The following TECPR1 variants were observed in gnomAD, a reference collection of about 807,000 sequenced individuals.
The protein encoded by TECPR1 is tectonin beta-propeller repeat-containing protein 1.
In TECPR1, 122 loss-of-function variants were observed where a neutral mutation model predicts 162.4. The observed-to-expected ratio is 0.75, with a 90% CI of 0.65 to 0.87. The LOEUF (loss-of-function observed/expected upper bound fraction) is 0.87, where lower values mean the gene tolerates loss of function less well. TECPR1 is among the 40% of genes least tolerant of loss of function. TECPR1 has a pLI of 0.00. For missense variants in TECPR1, 1,432 were observed against 1,618.2 expected, an observed-to-expected ratio of 0.88 and a Z score of 1.97; for synonymous variants, 642 against 670.6, an observed-to-expected ratio of 0.96 and a Z score of 0.66.
intron 19 of TECPR1, among the ~76,000 whole-genome samples, chr7:98,224,269 G>A (rs1301385104): frequency 6.6e-6 from 1 of 152,130 alleles, no homozygotes; most frequent in African/African-American, 2.4e-5. Context: ...GTGCCGTGAA[G>A]GGCCTGCCCA....
chr7:98,235,167 A>C (rs1178363856), intron 10 of TECPR1, among the ~76,000 whole-genome samples: 1 of 152,210 alleles, frequency 6.6e-6, no homozygotes, highest in Non-Finnish European at 1.5e-5. Flanking sequence ...TCAAAGTTAT[A>C]AAGATTTGGC....
At chr7:98,248,906 T>G (rs1798986302) in intron 2 of TECPR1, among the ~76,000 whole-genome samples, 1 of 151,568 alleles carries the variant, frequency 6.6e-6, no homozygotes, top group Admixed American at 6.6e-5. Flanking sequence ...TTTTTTTTTT[T>G]TTTGACAGAG....
chr7:98,246,464 G>A (rs903469215), intron 2 of TECPR1, among the ~76,000 whole-genome samples: 2 of 151,782 alleles, frequency 1.3e-5, no homozygotes, highest in African/African-American at 2.4e-5. Flanking sequence ...ACGGGGTTTC[G>A]CCACATTGGC....
At chr7:98,229,335 G>A (rs2270603) in intron 15 of TECPR1, among the ~76,000 whole-genome samples, 169 bp from the exon 16 acceptor site, 29,563 of 152,054 alleles carry the variant, frequency 0.19, 3,066 homozygotes, top group East Asian at 0.27. Context: ...ATTAATCAAC[G>A]CTAAAAAGAC....
At chr7:98,225,504 CTG>C (rs1798258201) in intron 17 of TECPR1, among the ~76,000 whole-genome samples, 1 of 151,322 alleles carries the variant, frequency 6.6e-6, no homozygotes, top group Non-Finnish European at 1.5e-5. Context: ...CACTACGCCA[CTG>C]CACTCCAGCC....
In TECPR1 at chr7:98,235,846, A is replaced by AC. The variant is rs1177943834; in HGVS notation, c.1181+929_1181+930insG. Among the ~76,000 whole-genome samples, 17 of 70,534 alleles carry AC rather than the reference A, an allele frequency of 2.4e-4. 2 individuals carry two copies. Among genetic ancestry groups the AC allele is most frequent in the Non-Finnish European group, 3.5e-4 (8 of 22,588 alleles). 46.3% of individuals were successfully genotyped at this position (70,534 alleles called of 152,430 possible). A position where few individuals can be genotyped will look rare whatever the true frequency, so the allele number is the denominator to read the frequency against. ...CTGTCTCAAAAAAAAAAAAAAAAAA[A>AC]AAAAACACCATCTGAGCAGACTAAA... On this transcript the variant is annotated intron_variant, in intron 10 of 25. Coordinates refer to ENST00000447648, the MANE Select transcript of TECPR1 (RefSeq NM_015395.3).
In TECPR1 at chr7:98,241,331, C is replaced by A; in HGVS notation, c.658-87G>T. The A allele has an allele frequency of 6.6e-7, 1 of 1,515,232 alleles. No individual in the cohort carries two copies. The highest frequency in any genetic ancestry group is 9.0e-7 in the Non-Finnish European group (1 of 1,107,766). 93.9% of individuals were successfully genotyped at this position (1,515,232 alleles called of 1,614,324 possible). On this transcript the variant is annotated intron_variant, in intron 6 of 25. Transcript: ENST00000447648. The surrounding 1 kb of genome is among the most constrained non-coding windows in gnomAD (Gnocchi z 5.0). ...GGTCTCGGTGTGGTAGGGGGTAGGA[C>A]CCATGTCCCCTGACCGTCCAGATCT...
intron 25 of TECPR1, 33 bp from the exon 26 acceptor site, chr7:98,217,536 CG>C: frequency 6.8e-7 from 1 of 1,466,394 alleles, no homozygotes. Context: ...CCAGGGGACT[CG>C]GGGACTCGAG....
intron 22 of TECPR1, among the ~76,000 whole-genome samples, 194 bp from the exon 23 acceptor site, chr7:98,221,947 G>A (rs968882565): frequency 1.3e-5 from 2 of 152,170 alleles, no homozygotes; most frequent in Non-Finnish European, 2.9e-5. Flanking sequence ...GGCGGGCTCC[G>A]ATGGACTCAT....
intron 2 of TECPR1, 71 bp from the exon 3 acceptor site, chr7:98,246,236 G>A (rs188726883): frequency 3.2e-6 from 3 of 941,080 alleles, no homozygotes; most frequent in Non-Finnish European, 4.7e-6. Flanking sequence ...GTGAAACCTG[G>A]GAGACTTCTA....
At position 98,224,846 on chromosome 7, in the gene TECPR1, C is replaced by T; in HGVS notation, c.2645G>A (p.Gly882Glu). The T allele has an allele frequency of 6.3e-7, 1 of 1,576,412 alleles. No individual in the cohort carries two copies. The change falls in exon 19 of 26, where the codon GGG (glycine) becomes GAG (glutamate). Residue 882 changes from glycine to glutamate, a missense_variant. Physicochemically the swap from Gly to Glu is moderately conservative, Grantham distance 98 (BLOSUM62 -2). Coordinates refer to ENST00000447648, the MANE Select transcript of TECPR1 (RefSeq NM_015395.3). ...CTGCCACCCCTCCTGGTCCGTGCCC[C>T]CCGGAACGCTGAAATCCACGAACCA... is the stretch of plus-strand genomic sequence containing the variant. ...SDWFVDFSVP[G>E]GTDQEGWQYA...
chr7:98,221,494 T>G (rs1219042789), intron 23 of TECPR1, among the ~76,000 whole-genome samples, 167 bp downstream of exon 23: 2 of 151,826 alleles, frequency 1.3e-5, no homozygotes, highest in African/African-American at 2.4e-5. Flanking sequence ...TTTTTTTTTT[T>G]TTGAGATAGA....
At chr7:98,240,562 C>T (rs974955432) in intron 8 of TECPR1, among the ~76,000 whole-genome samples, 1 of 151,940 alleles carries the variant, frequency 6.6e-6, no homozygotes, top group African/African-American at 2.4e-5. Context: ...TACAGGTGCC[C>T]GCCACCATGC....
Position 98,233,550 on chromosome 7 carries a change from GA to G in TECPR1, c.1542del (p.Leu515TrpfsTer96), listed in dbSNP as rs1163755956. On this transcript the variant is annotated frameshift_variant, in exon 11 of 26. Coordinates refer to ENST00000447648, the MANE Select transcript of TECPR1 (RefSeq NM_015395.3). LOFTEE classifies it high-confidence loss of function. ...AGFPETTSLSSLGLLPLGLEE... is the reference protein window; with the variant it reads ...AGFPETTSLSXLGLLPLGLEE... Reference sequence around the variant, plus strand: ...TCCAAGCCCAGTGGGAGGAGCCCCAGAGAGGAGAGGCTGGTGGTCTCGGGGA... The same window carrying G: ...TCCAAGCCCAGTGGGAGGAGCCCCAGGAGGAGAGGCTGGTGGTCTCGGGGA... 1 of 1,595,204 alleles carries G rather than the reference GA, an allele frequency of 6.3e-7. No individual in the cohort carries two copies. The highest frequency in any genetic ancestry group is 8.5e-7 in the Non-Finnish European group (1 of 1,172,706).
intron 23 of TECPR1, among the ~76,000 whole-genome samples, chr7:98,220,569 T>TTC (rs1798116230): frequency 6.6e-6 from 1 of 151,114 alleles, no homozygotes. Context: ...TCTGGCTTTT[T>TTC]TTTTTTTGAG....
At chr7:98,233,330 C>A in intron 11 of TECPR1, 91 bp downstream of exon 11, 1 of 1,371,514 alleles carries the variant, frequency 7.3e-7, no homozygotes, top group Non-Finnish European at 9.4e-7. Flanking sequence ...GCAGGCCTGC[C>A]CGAGCCCCCT....
chr7:98,216,187 C>T lies in TECPR1; in HGVS notation c.*1203G>A, dbSNP rs973605803. The T allele has an allele frequency of 3.3e-5, 5 of 152,314 alleles. No individual in the cohort carries two copies. The highest frequency in any genetic ancestry group is 2.1e-4 in the South Asian group (1 of 4,832). The allele number at this position is 152,314 out of a possible 1,614,324, so 9.4% of individuals were successfully genotyped here. On this transcript the variant is annotated 3_prime_UTR_variant, in exon 26 of 26. Transcript: ENST00000447648. ...GCCACTTGGCCGACACCTTCTGCCT[C>T]GCCTGGCCGGGCCGGGCCAGCCTCT... is the stretch of plus-strand genomic sequence containing the variant.
Position 98,232,390 on chromosome 7 carries a change from G to A in TECPR1, c.1819-431C>T, listed in dbSNP as rs1187467209. On this transcript the variant is annotated intron_variant, in intron 12 of 25. Transcript: ENST00000447648. This position sits in a 1 kb window ranked among gnomAD's most constrained non-coding sequence, Gnocchi z 4.6. ...CCTGTCACCCCCACACTTGACCTCT[G>A]AGGGCCGGGCTCTGCCACAGGATAG... is the stretch of plus-strand genomic sequence containing the variant. Among the ~76,000 whole-genome samples, 2 of 152,062 alleles carry A rather than the reference G, an allele frequency of 1.3e-5. No homozygotes were observed. Among genetic ancestry groups the A allele is most frequent in the Non-Finnish European group, 2.9e-5 (2 of 68,018 alleles).
intron 1 of TECPR1, 173 bp downstream of exon 1, chr7:98,251,953 G>A (rs1799073345): frequency 6.6e-6 from 1 of 152,422 alleles, no homozygotes; most frequent in African/African-American, 2.4e-5. Context: ...GGGGACGGGG[G>A]CGGCACCTTC....
Sources: allele counts gnomAD v4.1 joint callset (sites outside exome capture counted in the v4.1 genomes callset), GRCh38; gene constraint gnomAD v4.1.1; non-coding constraint Gnocchi (gnomAD v3.1); transcripts MANE v1.5; gene names NCBI Gene and HGNC (gene_info 2026-07-23, HGNC 2026-07-21).